Variants in SUSD6 observed in about 807,000 individuals in gnomAD.
SUSD6 encodes the protein sushi domain containing 6.
Under a neutral mutation model 28.4 loss-of-function variants are expected in SUSD6, and 16 were observed. That is an observed-to-expected ratio of 0.56 (90% CI 0.38 to 0.86). The LOEUF is 0.86. SUSD6 is among the 40% of genes least tolerant of loss of function. The probability of loss-of-function intolerance (pLI) is 0.00; values close to 1 mark genes in which losing one functional copy is unlikely to be tolerated. For missense variants in SUSD6, 341 were observed against 384.2 expected (o/e 0.89, Z 0.94); for synonymous variants, 147 against 159.6 (o/e 0.92, Z 0.59).
At chr14:69,621,264 G>A (rs114939479) in intron 1 of SUSD6, among the ~76,000 whole-genome samples, 1,789 of 152,274 alleles carry the variant, frequency 0.012, 43 homozygotes, top group African/African-American at 0.042. Context: ...TATGAGCCTT[G>A]ATGACAAGGA....
chr14:69,643,581 A>C (rs775570482), intron 1 of SUSD6, among the ~76,000 whole-genome samples: 2 of 152,200 alleles, frequency 1.3e-5, no homozygotes, highest in Non-Finnish European at 2.9e-5. Context: ...CAAACAACTG[A>C]ACTAACTAGT....
rs575239216 is a variant in SUSD6 at position 69,656,335 on chromosome 14, G to C, written c.-80-2178G>C. Reference sequence around the variant, plus strand: ...CACTGCTTAAATATTTTTTATACACGTGCTGTGATGTGGCACATGCAGGTG... The same window carrying C: ...CACTGCTTAAATATTTTTTATACACCTGCTGTGATGTGGCACATGCAGGTG... On this transcript the variant is annotated intron_variant, in intron 1 of 5. Coordinates refer to ENST00000342745, the MANE Select transcript of SUSD6 (RefSeq NM_014734.4). Among the ~76,000 whole-genome samples the C allele has an allele frequency of 2.1e-3, 317 of 152,112 alleles. 2 individuals are homozygous for C. The highest frequency in any genetic ancestry group is 3.2e-3 in the Non-Finnish European group (217 of 67,992).
At chr14:69,626,989 C>G (rs1885124372) in intron 1 of SUSD6, among the ~76,000 whole-genome samples, 1 of 151,936 alleles carries the variant, frequency 6.6e-6, no homozygotes, top group Non-Finnish European at 1.5e-5. Context: ...CTGGCCTGTC[C>G]CACTTCTTTA....
At chr14:69,614,932 G>A (rs1884937077) in intron 1 of SUSD6, among the ~76,000 whole-genome samples, 1 of 152,194 alleles carries the variant, frequency 6.6e-6, no homozygotes, top group Non-Finnish European at 1.5e-5. Context: ...CATGAAGTGA[G>A]TTATTAAGCT....
At chr14:69,626,071 G>A (rs533302000) in intron 1 of SUSD6, among the ~76,000 whole-genome samples, 1 of 152,192 alleles carries the variant, frequency 6.6e-6, no homozygotes, top group Non-Finnish European at 1.5e-5. Flanking sequence ...TAGGTTTGGA[G>A]CTTCTCTGTG....
At chr14:69,627,192 T>G (rs1356568758) in intron 1 of SUSD6, among the ~76,000 whole-genome samples, 1 of 152,230 alleles carries the variant, frequency 6.6e-6, no homozygotes, top group African/African-American at 2.4e-5. Flanking sequence ...TGCTCTAGTA[T>G]TTATCTGGTT....
chr14:69,648,212 C>T (rs1157147641), intron 1 of SUSD6, among the ~76,000 whole-genome samples: 1 of 152,024 alleles, frequency 6.6e-6, no homozygotes, highest in East Asian at 1.9e-4. Context: ...GTGAGATAGG[C>T]ATTATTAAGT....
intron 2 of SUSD6, 25 bp from the exon 3 acceptor site, chr14:69,703,370 C>A (rs1886339131): frequency 6.3e-7 from 1 of 1,596,674 alleles, no homozygotes; most frequent in Non-Finnish European, 8.6e-7. Flanking sequence ...ACCACTGTAC[C>A]CCTGCTCTCT....
intron 1 of SUSD6, among the ~76,000 whole-genome samples, chr14:69,654,106 A>G (rs1222712384): frequency 6.6e-6 from 1 of 152,230 alleles, no homozygotes; most frequent in African/African-American, 2.4e-5. Context: ...CGACTCAGGT[A>G]GCTGCTTAAG....
chr14:69,639,956 G>GTTTTTTTTTTT lies in SUSD6; in HGVS notation c.-80-18544_-80-18534dup, dbSNP rs11463756. The stretch of plus-strand genomic sequence containing the variant: ...AGAGTCCCTCTGGGGCACCTACACT[G>GTTTTTTTTTTT]TTTTTTTTTTTTTTTTTTTTTTTGC... On this transcript the variant is annotated intron_variant, in intron 1 of 5. Transcript: ENST00000342745. Among the ~76,000 whole-genome samples the GTTTTTTTTTTT allele has an allele frequency of 1.6e-3, 130 of 81,640 alleles. 2 individuals are homozygous for GTTTTTTTTTTT. The highest frequency in any genetic ancestry group is 8.9e-3 in the South Asian group (15 of 1,676). The allele number at this position is 81,640 out of a possible 152,430, so 53.6% of individuals were successfully genotyped here.
intron 1 of SUSD6, among the ~76,000 whole-genome samples, chr14:69,647,607 C>T (rs568871554): frequency 4.6e-5 from 7 of 152,014 alleles, no homozygotes; most frequent in Admixed American, 6.5e-5. Context: ...TGTATTTAAC[C>T]GTTTTGCCAA....
intron 2 of SUSD6, among the ~76,000 whole-genome samples, chr14:69,677,039 A>G (rs184776919): frequency 5.7e-4 from 87 of 152,298 alleles, no homozygotes; most frequent in African/African-American, 1.7e-3. Flanking sequence ...TTTTGATATC[A>G]TAGAGGTCTT....
chr14:69,617,019 A>G (rs1884969506), intron 1 of SUSD6: 1 of 152,232 alleles, frequency 6.6e-6, no homozygotes, highest in African/African-American at 2.4e-5. Context: ...GACATTTCAT[A>G]TAGATGGAAT....
At chr14:69,694,936 G>C (rs571497952) in intron 2 of SUSD6, among the ~76,000 whole-genome samples, 16 of 152,270 alleles carry the variant, frequency 1.1e-4, no homozygotes, top group African/African-American at 3.4e-4. Flanking sequence ...AGCCACAGGA[G>C]GTATCCTGAG....
At chr14:69,670,414 A>G (rs1885812289) in intron 2 of SUSD6, 4 of 456,540 alleles carry the variant, frequency 8.8e-6, no homozygotes, top group South Asian at 4.6e-5. Context: ...GTACTGCACT[A>G]CACAGGAATA....
intron 2 of SUSD6, among the ~76,000 whole-genome samples, chr14:69,666,724 A>G (rs1172348990): frequency 6.6e-6 from 1 of 152,012 alleles, no homozygotes; most frequent in East Asian, 1.9e-4. Context: ...CAGTAACCAG[A>G]TCTTTTAAAG....
chr14:69,650,419 A>G (rs1045232308), intron 1 of SUSD6, among the ~76,000 whole-genome samples: 1 of 152,132 alleles, frequency 6.6e-6, no homozygotes, highest in Non-Finnish European at 1.5e-5. Flanking sequence ...AGACCACCCA[A>G]TTGATAGTAT....
At chr14:69,687,124 G>A (rs1886085037) in intron 2 of SUSD6, among the ~76,000 whole-genome samples, 2 of 152,162 alleles carry the variant, frequency 1.3e-5, no homozygotes, top group South Asian at 2.1e-4. Flanking sequence ...ACAGGCACCC[G>A]CCACCACACC....
Position 69,712,552 on chromosome 14 carries a change from T to C in SUSD6, c.*1573T>C, listed in dbSNP as rs1421042706. ...CATGTCTGCTCCTCCCCTGAGCCTG[T>C]CTGCTTGGGGGTGGTAAAAATAAAA... is the stretch of plus-strand genomic sequence containing the variant. On this transcript the variant is annotated 3_prime_UTR_variant, in exon 6 of 6. Coordinates refer to ENST00000342745, the MANE Select transcript of SUSD6 (RefSeq NM_014734.4). The C allele has an allele frequency of 1.3e-5, 2 of 152,222 alleles. No individual in the cohort carries two copies. Among genetic ancestry groups the C allele is most frequent in the African/African-American group, 4.8e-5 (2 of 41,442 alleles). The allele number at this position is 152,222 out of a possible 1,614,324, so 9.4% of individuals were successfully genotyped here.
Sources: allele counts gnomAD v4.1 joint callset (sites outside exome capture counted in the v4.1 genomes callset), GRCh38; gene constraint gnomAD v4.1.1; transcripts MANE v1.5; gene names NCBI Gene and HGNC (gene_info 2026-07-23, HGNC 2026-07-21).